The following EPHA7 variants were observed in gnomAD, a reference collection of about 807,000 sequenced individuals.
EPHA7 encodes ephrin type-A receptor 7.
In EPHA7, 25 loss-of-function variants were observed where a neutral mutation model predicts 112.6. The observed-to-expected ratio is 0.22, with a 90% confidence interval of 0.16 to 0.31. The LOEUF (loss-of-function observed/expected upper bound fraction) is 0.31. Ranked by LOEUF, EPHA7 falls within the 10% of genes least tolerant of loss-of-function variation. The probability of loss-of-function intolerance (pLI) is 1.00; values close to 1 mark genes in which losing one functional copy is unlikely to be tolerated. For synonymous variants in EPHA7, 437 were observed against 406.5 expected (o/e 1.07, Z -0.90); for missense variants, 962 against 1,212.6 (o/e 0.79, Z 3.07).
At chr6:93,391,905 C>T (rs1041775931) in intron 3 of EPHA7, among the ~76,000 whole-genome samples, 1 of 151,662 alleles carries the variant, frequency 6.6e-6, no homozygotes, top group African/African-American at 2.4e-5. Flanking sequence ...AAAATATAAA[C>T]TCTGAGTTGT....
intron 5 of EPHA7, among the ~76,000 whole-genome samples, chr6:93,333,568 T>C (rs1432467913): frequency 6.6e-6 from 1 of 151,852 alleles, no homozygotes; most frequent in African/African-American, 2.4e-5. Flanking sequence ...TTTAATGATA[T>C]CATCCTGACT....
chr6:93,307,300 C>T (rs749613308), intron 5 of EPHA7, among the ~76,000 whole-genome samples: 56 of 151,916 alleles, frequency 3.7e-4, no homozygotes, highest in Admixed American at 1.5e-3. Context: ...AAGACACTGT[C>T]CACATCATTT....
At chr6:93,333,110 C>A (rs1774681594) in intron 5 of EPHA7, among the ~76,000 whole-genome samples, 1 of 151,794 alleles carries the variant, frequency 6.6e-6, no homozygotes, top group South Asian at 2.1e-4. Context: ...TGTTCAGCTT[C>A]CACTTGTAAG....
intron 3 of EPHA7, among the ~76,000 whole-genome samples, chr6:93,371,570 A>G (rs866447118): frequency 6.6e-6 from 1 of 152,204 alleles, no homozygotes; most frequent in African/African-American, 2.4e-5. Flanking sequence ...GTGTGCATAT[A>G]TTTCAATCTG....
intron 5 of EPHA7, among the ~76,000 whole-genome samples, chr6:93,333,540 T>C (rs1465959593): frequency 1.3e-5 from 2 of 151,864 alleles, no homozygotes; most frequent in Non-Finnish European, 2.9e-5. Flanking sequence ...CTCACCAGCA[T>C]CTGTTATTTT....
At chr6:93,395,943 C>T (rs557036209) in intron 3 of EPHA7, among the ~76,000 whole-genome samples, 3 of 151,934 alleles carry the variant, frequency 2.0e-5, no homozygotes, top group East Asian at 1.9e-4. Context: ...CAGGTCCAGA[C>T]GTTTTCATCG....
intron 10 of EPHA7, among the ~76,000 whole-genome samples, chr6:93,258,772 AG>A (rs1770559598): frequency 6.6e-6 from 1 of 150,538 alleles, no homozygotes; most frequent in Admixed American, 6.7e-5. Flanking sequence ...TTTAATTTTG[AG>A]AAGAAAATAT....
intron 6 of EPHA7, among the ~76,000 whole-genome samples, chr6:93,269,878 T>A (rs577205007): frequency 2.0e-5 from 3 of 151,918 alleles, no homozygotes; most frequent in Admixed American, 2.0e-4. Flanking sequence ...ATAATTTAGT[T>A]AAAACATTTA....
intron 5 of EPHA7, among the ~76,000 whole-genome samples, chr6:93,348,615 A>T (rs192271456): frequency 1.3e-5 from 2 of 151,986 alleles, no homozygotes; most frequent in East Asian, 3.9e-4. Context: ...ACAGTTTAAG[A>T]TTTTAAATAT....
intron 14 of EPHA7, among the ~76,000 whole-genome samples, chr6:93,249,119 T>A (rs189717399): frequency 6.6e-5 from 10 of 152,266 alleles, no homozygotes; most frequent in Admixed American, 3.9e-4. Context: ...GGAGGTCATA[T>A]GACAGAACTT....
intron 7 of EPHA7, among the ~76,000 whole-genome samples, chr6:93,265,826 T>C (rs1358395778): frequency 1.3e-5 from 2 of 151,712 alleles, no homozygotes; most frequent in Non-Finnish European, 2.9e-5. Flanking sequence ...GAGAAGTAAT[T>C]CATATGAAGG....
At chr6:93,291,378 G>A (rs923063624) in intron 5 of EPHA7, among the ~76,000 whole-genome samples, 13 of 152,076 alleles carry the variant, frequency 8.5e-5, no homozygotes, top group Non-Finnish European at 1.6e-4. Context: ...AAAGACCAAA[G>A]AGAATTATCA....
chr6:93,334,993 A>G (rs1349278093), intron 5 of EPHA7, among the ~76,000 whole-genome samples: 2 of 152,110 alleles, frequency 1.3e-5, no homozygotes, highest in East Asian at 3.9e-4. Context: ...ATAACCTAGA[A>G]GGCAACAAGA....
At chr6:93,372,223 T>C (rs1361479985) in intron 3 of EPHA7, among the ~76,000 whole-genome samples, 1 of 152,142 alleles carries the variant, frequency 6.6e-6, no homozygotes, top group Non-Finnish European at 1.5e-5. Context: ...AAAGGAGGTA[T>C]CTGATGCTTG....
chr6:93,394,342 TGAGA>T (rs1281887669), intron 3 of EPHA7, among the ~76,000 whole-genome samples: 1 of 151,330 alleles, frequency 6.6e-6, no homozygotes, highest in Non-Finnish European at 1.5e-5. Context: ...AAACAATTGA[TGAGA>T]GAGAGAGAAA....
At chr6:93,343,131 C>T (rs1343576206) in intron 5 of EPHA7, among the ~76,000 whole-genome samples, 1 of 151,794 alleles carries the variant, frequency 6.6e-6, no homozygotes, top group East Asian at 1.9e-4. Flanking sequence ...AAACTTTATA[C>T]TTTTTAATTT....
At chr6:93,341,777 C>G (rs1775150280) in intron 5 of EPHA7, among the ~76,000 whole-genome samples, 1 of 151,714 alleles carries the variant, frequency 6.6e-6, no homozygotes, top group Non-Finnish European at 1.5e-5. Flanking sequence ...AAATGACATG[C>G]AGATTGGTTA....
At chr6:93,255,465 T>A (rs756962670) in intron 13 of EPHA7, among the ~76,000 whole-genome samples, 1 of 152,212 alleles carries the variant, frequency 6.6e-6, no homozygotes, top group African/African-American at 2.4e-5. Context: ...TTTTTTCTAA[T>A]CTTACAAAAG....
At position 93,410,432 on chromosome 6, in the gene EPHA7, A is replaced by G; in HGVS notation, c.832+69T>C. ...AGATTCACGTATTCAAATAACTATT[A>G]AAGTTTAAAATGTCTGATACTGAAA... On this transcript the variant is annotated intron_variant, in intron 3 of 16. Coordinates refer to ENST00000369303, the MANE Select transcript of EPHA7 (RefSeq NM_004440.4). The surrounding 1 kb of genome is among the most constrained non-coding windows in gnomAD (Gnocchi z 4.0). 2.2e-6 allele frequency: 3 copies of G among 1,390,016 alleles called. No homozygotes were observed. The highest frequency in any genetic ancestry group is 4.1e-5 in the Admixed American group (2 of 48,466). 86.1% of individuals were successfully genotyped at this position (1,390,016 alleles called of 1,614,324 possible). A position where few individuals can be genotyped will look rare whatever the true frequency, so the allele number is the denominator to read the frequency against.
Sources: gnomAD v4.1 joint callset for allele counts (sites outside exome capture counted in the v4.1 genomes callset) on GRCh38, gnomAD v4.1.1 for gene constraint, Gnocchi (gnomAD v3.1) non-coding constraint, MANE v1.5 for transcripts, NCBI Gene and HGNC (gene_info 2026-07-23, HGNC 2026-07-21) for gene names.